LINGO2: variants seen among roughly 807,000 people sequenced by gnomAD.
LINGO2 encodes leucine rich repeat and Ig domain containing 2.
Under a neutral mutation model 30.6 loss-of-function variants are expected in LINGO2, and 14 were observed. That is an observed-to-expected ratio of 0.46 (90% CI 0.30 to 0.72). The LOEUF (loss-of-function observed/expected upper bound fraction) is 0.72, where lower values mean the gene tolerates loss of function less well. Ranked by LOEUF, LINGO2 falls within the 30% of genes least tolerant of loss-of-function variation. The probability of loss-of-function intolerance (pLI) is 0.07; values close to 1 mark genes in which losing one functional copy is unlikely to be tolerated. For missense variants in LINGO2, 729 were observed against 751.7 expected (o/e 0.97, Z 0.35); for synonymous variants, 317 against 288.5 (o/e 1.10, Z -1.00).
intron 2 of LINGO2, among the ~76,000 whole-genome samples, chr9:28,374,130 C>T (rs1341263740): frequency 6.6e-6 from 1 of 151,322 alleles, no homozygotes; most frequent in Non-Finnish European, 1.5e-5. Context: ...TGTTCGGCAC[C>T]ACGACGTGAA....
the LINGO2 span, among the ~76,000 whole-genome samples, chr9:29,086,732 A>G: frequency 6.6e-6 from 1 of 152,302 alleles, no homozygotes; most frequent in Non-Finnish European, 1.5e-5. Context: ...AGACACAGAT[A>G]AGATATATGA....
At chr9:29,082,906 T>C in the LINGO2 span, among the ~76,000 whole-genome samples, 1 of 152,094 alleles carries the variant, frequency 6.6e-6, no homozygotes, top group Non-Finnish European at 1.5e-5. Context: ...CAAGTTAGAA[T>C]GGCGATCATT....
chr9:28,387,936 A>G (rs1014752360), intron 2 of LINGO2, among the ~76,000 whole-genome samples: 12 of 152,192 alleles, frequency 7.9e-5, no homozygotes, highest in African/African-American at 2.4e-4. Context: ...ACTCACGGCG[A>G]GGGTCTGCAG....
chr9:28,243,632 C>A (rs1456230681), intron 4 of LINGO2, among the ~76,000 whole-genome samples: 1 of 151,250 alleles, frequency 6.6e-6, no homozygotes, highest in Non-Finnish European at 1.5e-5. Flanking sequence ...AACAAACAAA[C>A]AAACAAACAA....
intron 1 of LINGO2, among the ~76,000 whole-genome samples, chr9:28,655,213 G>A (rs149595526): frequency 6.6e-6 from 1 of 151,994 alleles, no homozygotes; most frequent in East Asian, 1.9e-4. Context: ...CTGCTGCCAT[G>A]TGAAGAAGGA....
At chr9:28,852,175 A>C in the LINGO2 span, among the ~76,000 whole-genome samples, 1 of 152,022 alleles carries the variant, frequency 6.6e-6, no homozygotes, top group Non-Finnish European at 1.5e-5. Flanking sequence ...GAGGGTATTG[A>C]AAATGAACTG....
At chr9:28,557,531 A>G (rs1350081896) in intron 1 of LINGO2, among the ~76,000 whole-genome samples, 4 of 151,968 alleles carry the variant, frequency 2.6e-5, no homozygotes, top group Admixed American at 6.6e-5. Context: ...AAATAGGAAC[A>G]CTTTTACACT....
chr9:28,264,867 A>C (rs994834055), intron 4 of LINGO2, among the ~76,000 whole-genome samples: 1 of 151,970 alleles, frequency 6.6e-6, no homozygotes, highest in African/African-American at 2.4e-5. Flanking sequence ...CCTTGACTTT[A>C]AGAAGAGTGC....
At chr9:28,499,528 T>G (rs1288707872) in intron 1 of LINGO2, among the ~76,000 whole-genome samples, 2 of 152,128 alleles carry the variant, frequency 1.3e-5, no homozygotes, top group African/African-American at 4.8e-5. Flanking sequence ...TGGGTTTTAT[T>G]TAGACATATA....
Position 28,465,015 on chromosome 9 carries a change from G to A in LINGO2, c.-279+10925C>T, listed in dbSNP as rs376395182. 4.1e-3 allele frequency among the ~76,000 whole-genome samples: 625 copies of A among 152,056 alleles called. 2 individuals carry two copies. Among genetic ancestry groups the A allele is most frequent in the Non-Finnish European group, 6.8e-3 (462 of 67,972 alleles). ...GCAGGGGCAAGTAACTTTGGGCGCC[G>A]CCCCCCCGCCCCACATACAGGCCTG... On this transcript the variant is annotated intron_variant, in intron 2 of 5. Coordinates refer to ENST00000379992, the Ensembl canonical transcript of LINGO2.
the LINGO2 span, among the ~76,000 whole-genome samples, chr9:28,920,821 C>A: frequency 2.6e-5 from 4 of 152,094 alleles, no homozygotes; most frequent in African/African-American, 9.7e-5. Flanking sequence ...TTAGTTTAAA[C>A]CCCTGGCCAC....
chr9:28,071,414 C>A (rs909290590), intron 4 of LINGO2, among the ~76,000 whole-genome samples: 1 of 151,882 alleles, frequency 6.6e-6, no homozygotes, highest in Non-Finnish European at 1.5e-5. Flanking sequence ...CTGTTGGTAC[C>A]TTTTCAATCA....
intron 4 of LINGO2, among the ~76,000 whole-genome samples, chr9:28,182,624 A>G (rs1185171280): frequency 3.3e-5 from 5 of 152,188 alleles, no homozygotes; most frequent in Non-Finnish European, 5.9e-5. Context: ...ACAAGAAAAA[A>G]ACCCTAACCA....
chr9:28,604,014 C>A (rs1014284968), intron 1 of LINGO2, among the ~76,000 whole-genome samples: 1 of 151,944 alleles, frequency 6.6e-6, no homozygotes, highest in Non-Finnish European at 1.5e-5. Flanking sequence ...TTTTAGCCTT[C>A]GAGTTTTTCT....
intron 1 of LINGO2, among the ~76,000 whole-genome samples, chr9:28,549,556 C>A (rs1008845103): frequency 8.6e-5 from 13 of 151,838 alleles, no homozygotes; most frequent in African/African-American, 3.1e-4. Context: ...ATAGTTGTAC[C>A]AGTTTACAGT....
At chr9:28,010,145 G>T (rs141344193) in intron 5 of LINGO2, among the ~76,000 whole-genome samples, 2 of 152,312 alleles carry the variant, frequency 1.3e-5, no homozygotes, top group South Asian at 4.1e-4. Context: ...CGTATTACAT[G>T]ATTCCAGTTA....
At chr9:28,811,982 T>C in the LINGO2 span, among the ~76,000 whole-genome samples, 1 of 152,150 alleles carries the variant, frequency 6.6e-6, no homozygotes, top group African/African-American at 2.4e-5. Context: ...AAACTCTATT[T>C]TCTGTACAGT....
At chr9:27,968,299 A>T (rs564893252) in intron 5 of LINGO2, among the ~76,000 whole-genome samples, 2 of 152,238 alleles carry the variant, frequency 1.3e-5, no homozygotes, top group South Asian at 4.1e-4. Flanking sequence ...TGAAATACTG[A>T]AAAAACAATA....
chr9:29,018,376 G>A, the LINGO2 span, among the ~76,000 whole-genome samples: 1 of 151,524 alleles, frequency 6.6e-6, no homozygotes, highest in Non-Finnish European at 1.5e-5. Context: ...CTGGGTGATG[G>A]GATCATTTGT....
Sources: allele counts gnomAD v4.1 joint callset (sites outside exome capture counted in the v4.1 genomes callset), GRCh38; gene constraint gnomAD v4.1.1; transcripts MANE v1.5; gene names NCBI Gene and HGNC (gene_info 2026-07-23, HGNC 2026-07-21).